The following WWOX variants were observed in gnomAD, a reference collection of about 807,000 sequenced individuals.
WWOX encodes WW domain containing oxidoreductase.
In WWOX, 69 loss-of-function variants were observed where a neutral mutation model predicts 46.2. That is an observed-to-expected ratio of 1.49 (90% CI 1.23 to 1.82). The LOEUF (loss-of-function observed/expected upper bound fraction) is 1.82, where lower values mean the gene tolerates loss of function less well. Ranked by LOEUF, WWOX falls within the 40% of genes most tolerant of loss-of-function variation. The probability of loss-of-function intolerance (pLI) is 0.00; values close to 1 mark genes in which losing one functional copy is unlikely to be tolerated. For synonymous variants in WWOX, 359 were observed against 202.6 expected (o/e 1.77, Z -6.56); for missense variants, 919 against 542.6 (o/e 1.69, Z -6.89).
intron 8 of WWOX, among the ~76,000 whole-genome samples, chr16:78,948,119 C>T (rs779432769): frequency 3.3e-5 from 5 of 152,310 alleles, no homozygotes; most frequent in South Asian, 2.1e-4. Flanking sequence ...TTGCCTTACT[C>T]AGCCTCTGTG....
chr16:78,657,453 G>C (rs913802132), intron 8 of WWOX, among the ~76,000 whole-genome samples: 1 of 152,140 alleles, frequency 6.6e-6, no homozygotes, highest in Non-Finnish European at 1.5e-5. Context: ...TTGTCAGTGA[G>C]GGTCCAGGTG....
intron 8 of WWOX, among the ~76,000 whole-genome samples, chr16:79,065,172 G>T (rs1045692232): frequency 5.3e-5 from 8 of 152,196 alleles, no homozygotes; most frequent in African/African-American, 1.9e-4. Context: ...GTGAACAAAG[G>T]CTTCGGAAGC....
chr16:78,619,799 C>A lies in WWOX; in HGVS notation c.1056+187047C>A, dbSNP rs532900543. The stretch of plus-strand genomic sequence containing the variant: ...GGGTGCATGTCTGTGGTCCCAGCTA[C>A]TCAGGAGGCTGAGGCAGGAGAATCA... On this transcript the variant is annotated intron_variant, in intron 8 of 8. Coordinates refer to ENST00000566780, the MANE Select transcript of WWOX (RefSeq NM_016373.4). Among the ~76,000 whole-genome samples, 47 of 152,084 alleles carry A rather than the reference C, an allele frequency of 3.1e-4. No homozygotes were observed. The South Asian group carries it at 6.9e-3, about 22-fold the overall frequency.
At chr16:78,394,172 G>A (rs942017806) in intron 6 of WWOX, among the ~76,000 whole-genome samples, 1 of 151,954 alleles carries the variant, frequency 6.6e-6, no homozygotes, top group Non-Finnish European at 1.5e-5. Context: ...TAATGTTTTA[G>A]CCAACATATC....
chr16:78,366,381 GT>G (rs1014197029), intron 5 of WWOX, among the ~76,000 whole-genome samples: 2 of 152,124 alleles, frequency 1.3e-5, no homozygotes, highest in Non-Finnish European at 2.9e-5. Flanking sequence ...CTGTTAGGCT[GT>G]TTTTTTATTG....
At chr16:78,864,535 C>G (rs2043960366) in intron 8 of WWOX, among the ~76,000 whole-genome samples, 2 of 152,090 alleles carry the variant, frequency 1.3e-5, no homozygotes, top group South Asian at 4.1e-4. Flanking sequence ...TCCCAAAATG[C>G]TGGGATTATA....
chr16:78,318,540 C>T (rs747601643), intron 5 of WWOX, among the ~76,000 whole-genome samples: 17 of 152,110 alleles, frequency 1.1e-4, no homozygotes, highest in Non-Finnish European at 1.9e-4. Flanking sequence ...AAGAACACAA[C>T]ATTTAGGCAC....
intron 8 of WWOX, among the ~76,000 whole-genome samples, chr16:78,587,216 T>TTTTTTTTG (rs2045230607): frequency 7.4e-6 from 1 of 134,984 alleles, no homozygotes; most frequent in African/African-American, 3.0e-5. Context: ...TTTTTTTTTT[T>TTTTTTTTG]GTAGAAACAG....
In WWOX at chr16:78,336,678, A is replaced by G. The variant is rs562527079; in HGVS notation, c.517-50182A>G. Among the ~76,000 whole-genome samples, 3 of 152,278 alleles carry G rather than the reference A, an allele frequency of 2.0e-5. No homozygotes were observed. The South Asian group carries it at 6.2e-4, about 32-fold the overall frequency. On this transcript the variant is annotated intron_variant, in intron 5 of 8. Transcript: ENST00000566780. ...CAGCTGCCTGTTGCCATGGGGGAACATAGACCCAGAGCTGCCATCTTTTCT... is the reference window on the plus strand; with the variant it reads ...CAGCTGCCTGTTGCCATGGGGGAACGTAGACCCAGAGCTGCCATCTTTTCT...
intron 8 of WWOX, among the ~76,000 whole-genome samples, chr16:78,571,497 G>A (rs556217671): frequency 7.2e-5 from 11 of 152,234 alleles, no homozygotes; most frequent in African/African-American, 2.6e-4. Context: ...GGATTTTAAA[G>A]GGCAAGTGCC....
chr16:78,611,292 C>G (rs1486687684), intron 8 of WWOX, among the ~76,000 whole-genome samples: 1 of 152,160 alleles, frequency 6.6e-6, no homozygotes, highest in East Asian at 1.9e-4. Flanking sequence ...ATCAACCTAG[C>G]CTTTTATTTT....
At chr16:78,911,613 C>T (rs572806671) in intron 8 of WWOX, among the ~76,000 whole-genome samples, 1 of 152,010 alleles carries the variant, frequency 6.6e-6, no homozygotes, top group Non-Finnish European at 1.5e-5. Flanking sequence ...CACCTGTAAT[C>T]CCAACACTTT....
intron 4 of WWOX, among the ~76,000 whole-genome samples, chr16:78,131,103 G>T (rs181476593): frequency 1.1e-4 from 16 of 152,298 alleles, no homozygotes; most frequent in African/African-American, 3.9e-4. Context: ...ATACAGTGTT[G>T]TAATCTTATG....
chr16:78,814,945 G>A (rs999857212), intron 8 of WWOX, among the ~76,000 whole-genome samples: 1 of 152,158 alleles, frequency 6.6e-6, no homozygotes, highest in Admixed American at 6.5e-5. Context: ...TGGCTCTCTT[G>A]CCCTTTCTTC....
intron 8 of WWOX, among the ~76,000 whole-genome samples, chr16:78,934,349 A>AAAAAAAAAAAAAAAAAAAAG (rs1380470282): frequency 6.7e-6 from 1 of 148,316 alleles, no homozygotes; most frequent in Non-Finnish European, 1.5e-5. Context: ...AAAAAAAAAA[A>AAAAAAAAAAAAAAAAAAAAG]AAGAAGAAAC....
At chr16:78,226,160 C>T (rs928889498) in intron 5 of WWOX, among the ~76,000 whole-genome samples, 1 of 152,148 alleles carries the variant, frequency 6.6e-6, no homozygotes, top group Non-Finnish European at 1.5e-5. Flanking sequence ...GATGAATAGC[C>T]TTAAGCCCTC....
At chr16:78,424,794 G>A in intron 6 of WWOX, 76 bp from the exon 7 acceptor site, 2 of 1,531,510 alleles carry the variant, frequency 1.3e-6, no homozygotes, top group Non-Finnish European at 1.8e-6. Context: ...CACATCACGT[G>A]GATTCCCGAA....
chr16:78,804,063 C>G (rs1047562587), intron 8 of WWOX, among the ~76,000 whole-genome samples: 1 of 152,126 alleles, frequency 6.6e-6, no homozygotes, highest in African/African-American at 2.4e-5. Flanking sequence ...CATCTGACTT[C>G]CCTCTCCTTC....
chr16:78,404,497 A>G (rs1273318446), intron 6 of WWOX, among the ~76,000 whole-genome samples: 2 of 152,114 alleles, frequency 1.3e-5, no homozygotes, highest in Non-Finnish European at 2.9e-5. Flanking sequence ...CTCATCTGCC[A>G]GGTCTTTCCC....
Sources: gnomAD v4.1 joint callset for allele counts (sites outside exome capture counted in the v4.1 genomes callset) on GRCh38, gnomAD v4.1.1 for gene constraint, MANE v1.5 for transcripts, NCBI Gene and HGNC (gene_info 2026-07-23, HGNC 2026-07-21) for gene names.